The following TMEM132C variants were observed in gnomAD, a reference collection of about 807,000 sequenced individuals.
TMEM132C encodes the protein protein phosphatase 1, regulatory subunit 152.
Under a neutral mutation model 61.4 loss-of-function variants are expected in TMEM132C, and 29 were observed. That is an observed-to-expected ratio of 0.47 (90% CI 0.35 to 0.64). The LOEUF is 0.64. Ranked by LOEUF, TMEM132C falls within the 30% of genes least tolerant of loss-of-function variation. The probability of loss-of-function intolerance (pLI) is 0.00; values close to 1 mark genes in which losing one functional copy is unlikely to be tolerated. For missense variants in TMEM132C, 1,408 were observed against 1,476.9 expected (o/e 0.95, Z 0.76); for synonymous variants, 656 against 633.1 (o/e 1.04, Z -0.54).
chr12:128,707,649 T>C lies in TMEM132C; in HGVS notation c.*1354T>C, dbSNP rs1203425628. Reference sequence around the variant, plus strand: ...TGACTCCAGTTCTCCGTGTGCTCCATTGGCTGCGGCTGCAGGAGGAAGATG... The same window carrying C: ...TGACTCCAGTTCTCCGTGTGCTCCACTGGCTGCGGCTGCAGGAGGAAGATG... On this transcript the variant is annotated 3_prime_UTR_variant, in exon 9 of 9. Coordinates refer to ENST00000435159, the MANE Select transcript of TMEM132C (RefSeq NM_001136103.3). 6.6e-6 allele frequency: 1 copy of C among 152,184 alleles called. No individual in the cohort carries two copies. Among genetic ancestry groups the C allele is most frequent in the African/African-American group, 2.4e-5 (1 of 41,452 alleles). 9.4% of individuals were successfully genotyped at this position (152,184 alleles called of 1,614,324 possible).
intron 4 of TMEM132C, among the ~76,000 whole-genome samples, chr12:128,639,363 G>T (rs150765984): frequency 6.6e-6 from 1 of 152,010 alleles, no homozygotes; most frequent in Non-Finnish European, 1.5e-5. Context: ...TGAAGATGAT[G>T]ATGGTGATAA....
intron 1 of TMEM132C, among the ~76,000 whole-genome samples, chr12:128,346,376 TG>T (rs1350671029): frequency 1.3e-5 from 2 of 152,346 alleles, no homozygotes; most frequent in East Asian, 3.9e-4. Context: ...AGGATTGCCT[TG>T]GCTATTTGGG....
intron 4 of TMEM132C, among the ~76,000 whole-genome samples, chr12:128,626,790 A>G (rs1337376403): frequency 1.3e-5 from 2 of 152,148 alleles, no homozygotes; most frequent in African/African-American, 2.4e-5. Flanking sequence ...GAGCACACAT[A>G]TCTTACTGCA....
At chr12:128,306,329 G>A (rs1210824655) in intron 1 of TMEM132C, among the ~76,000 whole-genome samples, 15 of 151,704 alleles carry the variant, frequency 9.9e-5, no homozygotes, top group Non-Finnish European at 2.1e-4. Flanking sequence ...AGCCTCCCGA[G>A]TAGCTGGGAC....
intron 2 of TMEM132C, among the ~76,000 whole-genome samples, chr12:128,478,159 C>T (rs1354215647): frequency 6.6e-6 from 1 of 152,158 alleles, no homozygotes; most frequent in African/African-American, 2.4e-5. Context: ...TAGGTCAATG[C>T]ATCATTTCCT....
chr12:128,335,819 T>G (rs1355190502), intron 1 of TMEM132C, among the ~76,000 whole-genome samples: 4 of 152,134 alleles, frequency 2.6e-5, no homozygotes, highest in African/African-American at 9.7e-5. Context: ...ACCCAGTTAG[T>G]GAGAGGAGAA....
intron 5 of TMEM132C, among the ~76,000 whole-genome samples, chr12:128,669,767 CCTGT>C (rs1362182492): frequency 6.6e-6 from 1 of 152,162 alleles, no homozygotes; most frequent in African/African-American, 2.4e-5. Context: ...TTGGTTCATT[CCTGT>C]CTTTCTTCCT....
intron 1 of TMEM132C, among the ~76,000 whole-genome samples, chr12:128,334,335 T>C (rs1872740195): frequency 6.6e-6 from 1 of 152,120 alleles, no homozygotes; most frequent in Non-Finnish European, 1.5e-5. Flanking sequence ...TTCAAGGTGT[T>C]AGTCCCCAGC....
At chr12:128,426,598 C>T (rs1869191935) in intron 2 of TMEM132C, among the ~76,000 whole-genome samples, 1 of 152,156 alleles carries the variant, frequency 6.6e-6, no homozygotes, top group Non-Finnish European at 1.5e-5. Context: ...TTTTCTTCAG[C>T]TTGTCATTTT....
At chr12:128,696,663 A>G (rs1954767601) in intron 7 of TMEM132C, among the ~76,000 whole-genome samples, 1 of 152,268 alleles carries the variant, frequency 6.6e-6, no homozygotes, top group African/African-American at 2.4e-5. Context: ...GTCCCACCCT[A>G]CTGAATCCAC....
intron 4 of TMEM132C, among the ~76,000 whole-genome samples, chr12:128,650,745 A>G (rs1954260141): frequency 6.6e-6 from 1 of 152,108 alleles, no homozygotes; most frequent in Non-Finnish European, 1.5e-5. Flanking sequence ...AAAAAAAGTC[A>G]TTGCTGGCCC....
At position 128,327,605 on chromosome 12, in the gene TMEM132C, G is replaced by A. The variant is rs190368274; in HGVS notation, c.85+60118G>A. Among the ~76,000 whole-genome samples the A allele has an allele frequency of 3.3e-3, 505 of 152,122 alleles. 4 individuals carry two copies. Among genetic ancestry groups the A allele is most frequent in the African/African-American group, 0.011 (477 of 41,486 alleles). On this transcript the variant is annotated intron_variant, in intron 1 of 8. Transcript: ENST00000435159. ...TCACCGTGTTAGCCAGGATGGTCTCGATCTCCTGACCTCGTGATCTGCCCA... is the reference window on the plus strand; with the variant it reads ...TCACCGTGTTAGCCAGGATGGTCTCAATCTCCTGACCTCGTGATCTGCCCA...
intron 4 of TMEM132C, among the ~76,000 whole-genome samples, chr12:128,635,969 T>A (rs1022484608): frequency 6.6e-6 from 1 of 152,240 alleles, no homozygotes; most frequent in African/African-American, 2.4e-5. Context: ...TCCCCATAGC[T>A]GCCCAATCTC....
intron 1 of TMEM132C, among the ~76,000 whole-genome samples, chr12:128,356,691 G>C (rs980839806): frequency 6.6e-5 from 10 of 152,198 alleles, no homozygotes; most frequent in Admixed American, 5.2e-4. Flanking sequence ...TGACCAACCC[G>C]TACTTCTAGA....
intron 1 of TMEM132C, among the ~76,000 whole-genome samples, chr12:128,319,354 CGAGAGAGA>C (rs71449340): frequency 7.4e-5 from 11 of 149,286 alleles, no homozygotes; most frequent in African/African-American, 2.2e-4. Flanking sequence ...TTTGCAGTCC[CGAGAGAGA>C]GAGAGAGAGA....
chr12:128,327,513 G>C (rs904447285), intron 1 of TMEM132C, among the ~76,000 whole-genome samples: 3 of 151,468 alleles, frequency 2.0e-5, no homozygotes, highest in Non-Finnish European at 4.4e-5. Context: ...CTCCCGAGTA[G>C]CTGGGACTAC....
intron 2 of TMEM132C, among the ~76,000 whole-genome samples, chr12:128,421,620 A>G (rs1208714144): frequency 6.6e-6 from 1 of 152,250 alleles, no homozygotes; most frequent in Non-Finnish European, 1.5e-5. Flanking sequence ...GTGAGCCAAA[A>G]GAAGCAGACT....
intron 2 of TMEM132C, among the ~76,000 whole-genome samples, chr12:128,469,075 G>T (rs537804863): frequency 6.6e-6 from 1 of 152,260 alleles, no homozygotes; most frequent in South Asian, 2.1e-4. Context: ...AGTTACATCA[G>T]ACTTGTAGGG....
At chr12:128,617,657 G>A (rs913262294) in intron 4 of TMEM132C, among the ~76,000 whole-genome samples, 3 of 152,110 alleles carry the variant, frequency 2.0e-5, no homozygotes, top group Non-Finnish European at 2.9e-5. Context: ...GGAATCAGGT[G>A]GGGCAGGTGT....
Sources: gnomAD v4.1 joint callset for allele counts (sites outside exome capture counted in the v4.1 genomes callset) on GRCh38, gnomAD v4.1.1 for gene constraint, MANE v1.5 for transcripts, NCBI Gene and HGNC (gene_info 2026-07-23, HGNC 2026-07-21) for gene names.